The following XKR8 variants were observed in gnomAD, a reference collection of about 807,000 sequenced individuals.
XKR8 encodes the protein XK-related protein 8.
In XKR8, 10 loss-of-function variants were observed where a neutral mutation model predicts 17.1. The ratio of observed to expected loss-of-function variants is 0.59; its 90% CI spans 0.36 to 0.99. The LOEUF (loss-of-function observed/expected upper bound fraction) is 0.99. Among genes scored for constraint, XKR8 ranks in the 50% least tolerant of loss-of-function variants. XKR8 has a pLI of 0.01. For synonymous variants in XKR8, 213 were observed against 251.9 expected, an observed-to-expected ratio of 0.85 and a Z score of 1.46; for missense variants, 411 against 515.6, an observed-to-expected ratio of 0.80 and a Z score of 1.96.
At position 27,960,461 on chromosome 1, in the gene XKR8, C is replaced by G; in HGVS notation, c.293+99C>G. On this transcript the variant is annotated intron_variant, in intron 1 of 2. Transcript: ENST00000373884. The surrounding 1 kb of genome is among the most constrained non-coding windows in gnomAD (Gnocchi z 5.9). ...GACACGCCATATGCCGGGAAGGGGA[C>G]TGGGAGAGGGAACCAAGTCCTGTGG... is the stretch of plus-strand genomic sequence containing the variant. 1 of 1,239,424 alleles carries G rather than the reference C, an allele frequency of 8.1e-7. No individual in the cohort carries two copies. The highest frequency in any genetic ancestry group is 1.0e-6 in the Non-Finnish European group (1 of 966,164). The allele number at this position is 1,239,424 out of a possible 1,614,324, so 76.8% of individuals were successfully genotyped here. A position where few individuals can be genotyped will look rare whatever the true frequency, so the allele number is the denominator to read the frequency against.
rs763613889 is a variant in XKR8 at position 27,963,568 on chromosome 1, A to G, written c.365A>G (p.Tyr122Cys). The change falls in exon 2 of 3, where the codon TAC becomes TGC. Residue 122 changes from tyrosine (Y) to cysteine (C), a missense_variant. Tyr to Cys is a radical substitution (Grantham distance 194). Transcript: ENST00000373884. ...QEEPSEFDLA[Y>C]ADFLALDISM... ...GAGCCCTCTGAGTTTGACTTGGCCT[A>G]CGCCGACTTCCTCGCCCTGGACATC... 2.5e-6 allele frequency: 4 copies of G among 1,614,042 alleles called. No homozygotes were observed. Among genetic ancestry groups the G allele is most frequent in the Non-Finnish European group, 1.7e-6 (2 of 1,180,032 alleles).
chr1:27,967,391 A>G lies in XKR8; in HGVS notation c.*191A>G. ...GTCGGGCAGAGGCCTCCTTTCAAGG[A>G]GTTCACAGTGAACAAGATGAGAAGG... On this transcript the variant is annotated 3_prime_UTR_variant, in exon 3 of 3. Coordinates refer to ENST00000373884, the MANE Select transcript of XKR8 (RefSeq NM_018053.4). The surrounding 1 kb of genome is among the most constrained non-coding windows in gnomAD (Gnocchi z 4.3). 1.8e-6 allele frequency: 1 copy of G among 557,464 alleles called. No homozygotes were observed. Among genetic ancestry groups the G allele is most frequent in the African/African-American group, 1.9e-5 (1 of 53,050 alleles). The allele number at this position is 557,464 out of a possible 1,614,324, so 34.5% of individuals were successfully genotyped here. A position where few individuals can be genotyped will look rare whatever the true frequency, so the allele number is the denominator to read the frequency against.
At position 27,965,041 on chromosome 1, in the gene XKR8, G is replaced by A. The variant is rs559660027; in HGVS notation, c.490+1348G>A. Among the ~76,000 whole-genome samples, 7 of 152,258 alleles carry A rather than the reference G, an allele frequency of 4.6e-5. No homozygotes were observed. The highest frequency in any genetic ancestry group is 1.0e-4 in the Non-Finnish European group (7 of 68,028). ...AACAATAATAGCGGCTGTCACAATC[G>A]AGTGCCAGCTATTAGCCAGGCCCTG... is the stretch of plus-strand genomic sequence containing the variant. On this transcript the variant is annotated intron_variant, in intron 2 of 2. Transcript: ENST00000373884. The surrounding 1 kb of genome is among the most constrained non-coding windows in gnomAD (Gnocchi z 4.1).
Position 27,963,486 on chromosome 1 carries a change from G to T in XKR8, c.294-11G>T. 4 of 1,597,728 alleles carry T rather than the reference G, an allele frequency of 2.5e-6. No individual in the cohort carries two copies. The highest frequency in any genetic ancestry group is 3.4e-6 in the Non-Finnish European group (4 of 1,170,838). On this transcript the variant is annotated splice_polypyrimidine_tract_variant and intron_variant, in intron 1 of 2. Coordinates refer to ENST00000373884, the MANE Select transcript of XKR8 (RefSeq NM_018053.4). ...AACCTGGCCCTCTGGGCATTTGTGTGTGGTGCCTAGGTGCGTGCAGGAGCT... is the reference window on the plus strand; with the variant it reads ...AACCTGGCCCTCTGGGCATTTGTGTTTGGTGCCTAGGTGCGTGCAGGAGCT...
Position 27,963,652 on chromosome 1 carries a change from T to C in XKR8, c.449T>C (p.Leu150Pro). The C allele has an allele frequency of 6.2e-7, 1 of 1,605,714 alleles. No homozygotes were observed. ...LETAPQLTLV[L>P]AIMLQSGRAE... ...ACGGCACCACAGCTCACGCTGGTGCTGGCCATCATGCTGCAGAGTGGCCGG... is the reference window on the plus strand; with the variant it reads ...ACGGCACCACAGCTCACGCTGGTGCCGGCCATCATGCTGCAGAGTGGCCGG... The change falls in exon 2 of 3, where the codon CTG (leucine) becomes CCG (proline). Residue 150 changes from leucine (L) to proline (P), a missense_variant. Transcript: ENST00000373884.
chr1:27,966,560 G>C lies in XKR8; in HGVS notation c.548G>C (p.Arg183Pro), dbSNP rs575511459. Residue 183 changes from arginine to proline, a missense_variant, in exon 3 of 3, where the codon CGG (arginine) becomes CCG (proline). Arg to Pro is a moderately radical substitution (Grantham distance 103). Coordinates refer to ENST00000373884, the MANE Select transcript of XKR8 (RefSeq NM_018053.4). The surrounding 1 kb of genome is among the most constrained non-coding windows in gnomAD (Gnocchi z 4.3). Reference protein sequence around the residue: ...GISWALLDYHRALRTCLPSKP... With the variant: ...GISWALLDYHPALRTCLPSKP... ...TCGTGGGCACTGCTCGACTACCACC[G>C]GGCCTTGCGCACCTGCCTCCCCTCC... is the stretch of plus-strand genomic sequence containing the variant. The C allele has an allele frequency of 6.2e-7, 1 of 1,613,888 alleles. No individual in the cohort carries two copies. Among genetic ancestry groups the C allele is most frequent in the South Asian group, 1.1e-5 (1 of 91,080 alleles).
chr1:27,965,939 A>G lies in XKR8; in HGVS notation c.491-564A>G, dbSNP rs537173544. 6.6e-6 allele frequency among the ~76,000 whole-genome samples: 1 copy of G among 152,218 alleles called. No homozygotes were observed. Among genetic ancestry groups the G allele is most frequent in the East Asian group, 1.9e-4 (1 of 5,168 alleles). ...TCTTGGAAAATCAAGGTTAGGGGTC[A>G]GTCCGATGGCCTCTGGTCTTGGAGG... On this transcript the variant is annotated intron_variant, in intron 2 of 2. Transcript: ENST00000373884. The surrounding 1 kb of genome is among the most constrained non-coding windows in gnomAD (Gnocchi z 4.1).
rs1424220735 is a variant in XKR8 at position 27,963,711 on chromosome 1, G to T, written c.490+18G>T. On this transcript the variant is annotated intron_variant, in intron 2 of 2. Transcript: ENST00000373884. Reference sequence around the variant, plus strand: ...CTACCAGTGTGAGTGAAGGCCTGTGGCTGGCCCCCCTGTCGTGGCTTGGTG... The same window carrying T: ...CTACCAGTGTGAGTGAAGGCCTGTGTCTGGCCCCCCTGTCGTGGCTTGGTG... The T allele has an allele frequency of 2.0e-6, 3 of 1,513,498 alleles. No individual in the cohort carries two copies. The Admixed American group carries it at 6.7e-5, about 34-fold the overall frequency. The allele number at this position is 1,513,498 out of a possible 1,614,324, so 93.8% of individuals were successfully genotyped here. A position where few individuals can be genotyped will look rare whatever the true frequency, so the allele number is the denominator to read the frequency against.
rs142674937 is a variant in XKR8, at chr1:27,967,331, G to A, written c.*131G>A. 1,462 of 1,076,188 alleles carry A rather than the reference G, an allele frequency of 1.4e-3. No individual in the cohort carries two copies. The highest frequency in any genetic ancestry group is 1.7e-3 in the Non-Finnish European group (1,313 of 773,100). 66.7% of individuals were successfully genotyped at this position (1,076,188 alleles called of 1,614,324 possible). ...TCTATGCACTCAGCAAGAGCGGGACGCCTGTGCTGGGCCGGGCACCAGGGA... is the reference window on the plus strand; with the variant it reads ...TCTATGCACTCAGCAAGAGCGGGACACCTGTGCTGGGCCGGGCACCAGGGA... On this transcript the variant is annotated 3_prime_UTR_variant, in exon 3 of 3. Coordinates refer to ENST00000373884, the MANE Select transcript of XKR8 (RefSeq NM_018053.4). The surrounding 1 kb of genome is among the most constrained non-coding windows in gnomAD (Gnocchi z 4.3).
Position 27,966,352 on chromosome 1 carries a change from G to GTCT in XKR8, c.491-147_491-145dup. On this transcript the variant is annotated intron_variant, in intron 2 of 2. Coordinates refer to ENST00000373884, the MANE Select transcript of XKR8 (RefSeq NM_018053.4). This position sits in a 1 kb window ranked among gnomAD's most constrained non-coding sequence, Gnocchi z 4.3. ...GTTTTTGGTTGTGGGAACTCACTGG[G>GTCT]TCTTCTCTAGCTGCAGATTTGCCTT... 1.4e-6 allele frequency: 1 copy of GTCT among 709,728 alleles called. No homozygotes were observed. The highest frequency in any genetic ancestry group is 1.9e-5 in the South Asian group (1 of 52,132). 44.0% of individuals were successfully genotyped at this position (709,728 alleles called of 1,614,324 possible).
In XKR8 at chr1:27,966,163, G is replaced by C. The variant is rs1291445571; in HGVS notation, c.491-340G>C. Reference sequence around the variant, plus strand: ...GTTCTTCCCAGAAAGAAAGGGTTATGGGGCCCTGGAAGATGCCCAGGATGC... The same window carrying C: ...GTTCTTCCCAGAAAGAAAGGGTTATCGGGCCCTGGAAGATGCCCAGGATGC... On this transcript the variant is annotated intron_variant, in intron 2 of 2. Coordinates refer to ENST00000373884, the MANE Select transcript of XKR8 (RefSeq NM_018053.4). This position sits in a 1 kb window ranked among gnomAD's most constrained non-coding sequence, Gnocchi z 4.3. Among the ~76,000 whole-genome samples, 3 of 152,166 alleles carry C rather than the reference G, an allele frequency of 2.0e-5. No homozygotes were observed. The highest frequency in any genetic ancestry group is 7.2e-5 in the African/African-American group (3 of 41,438).
rs1034306908 is a variant in XKR8 at position 27,965,280 on chromosome 1, G to T, written c.491-1223G>T. Among the ~76,000 whole-genome samples the T allele has an allele frequency of 2.8e-4, 42 of 152,252 alleles. No homozygotes were observed. The highest frequency in any genetic ancestry group is 9.9e-4 in the African/African-American group (41 of 41,534). On this transcript the variant is annotated intron_variant, in intron 2 of 2. Coordinates refer to ENST00000373884, the MANE Select transcript of XKR8 (RefSeq NM_018053.4). This position sits in a 1 kb window ranked among gnomAD's most constrained non-coding sequence, Gnocchi z 4.1. ...GTCTGCACTGTGAGTGTGGCAGGGG[G>T]TAAGGGGGCGAGACAGATTTTCCCT... is the stretch of plus-strand genomic sequence containing the variant.
intron 1 of XKR8, among the ~76,000 whole-genome samples, chr1:27,962,658 C>T (rs1638491456): frequency 6.6e-6 from 1 of 151,622 alleles, no homozygotes; most frequent in South Asian, 2.1e-4. Flanking sequence ...CACAATCAAT[C>T]ATGGCTCACA....
Position 27,965,677 on chromosome 1 carries a change from C to A in XKR8, c.491-826C>A, listed in dbSNP as rs1441425469. 6.6e-6 allele frequency among the ~76,000 whole-genome samples: 1 copy of A among 152,184 alleles called. No individual in the cohort carries two copies. Among genetic ancestry groups the A allele is most frequent in the African/African-American group, 2.4e-5 (1 of 41,446 alleles). On this transcript the variant is annotated intron_variant, in intron 2 of 2. Coordinates refer to ENST00000373884, the MANE Select transcript of XKR8 (RefSeq NM_018053.4). The surrounding 1 kb of genome is among the most constrained non-coding windows in gnomAD (Gnocchi z 4.1). Reference sequence around the variant, plus strand: ...GCAAACTGGAAGAACATCAGCCCTGCTGAGACCTGGGCAAGGCTAATGAGC... The same window carrying A: ...GCAAACTGGAAGAACATCAGCCCTGATGAGACCTGGGCAAGGCTAATGAGC...
chr1:27,960,101 G>C lies in XKR8; in HGVS notation c.32G>C (p.Arg11Pro). Reference protein sequence around the residue: MPWSSRGALLRDLVLGVLGTA... With the variant: MPWSSRGALLPDLVLGVLGTA... ...TGGTCGTCCCGCGGCGCCCTCCTTC[G>C]GGACCTGGTCCTGGGCGTGCTGGGC... is the stretch of plus-strand genomic sequence containing the variant. The change falls in exon 1 of 3, where the codon CGG (arginine) becomes CCG (proline). Residue 11 changes from arginine to proline, a missense_variant. Coordinates refer to ENST00000373884, the MANE Select transcript of XKR8 (RefSeq NM_018053.4). This position sits in a 1 kb window ranked among gnomAD's most constrained non-coding sequence, Gnocchi z 5.9. 1 of 1,490,930 alleles carries C rather than the reference G, an allele frequency of 6.7e-7. No individual in the cohort carries two copies. The highest frequency in any genetic ancestry group is 8.9e-7 in the Non-Finnish European group (1 of 1,126,542). 92.4% of individuals were successfully genotyped at this position (1,490,930 alleles called of 1,614,324 possible).
rs1260698674 is a variant in XKR8 at position 27,965,925 on chromosome 1, C to G, written c.491-578C>G. ...TGTAAACTTCTGGATCTTGGAAAAT[C>G]AAGGTTAGGGGTCAGTCCGATGGCC... On this transcript the variant is annotated intron_variant, in intron 2 of 2. Transcript: ENST00000373884. This position sits in a 1 kb window ranked among gnomAD's most constrained non-coding sequence, Gnocchi z 4.1. Among the ~76,000 whole-genome samples, 2 of 151,972 alleles carry G rather than the reference C, an allele frequency of 1.3e-5. No individual in the cohort carries two copies. The highest frequency in any genetic ancestry group is 4.8e-5 in the African/African-American group (2 of 41,346).
chr1:27,960,729 C>T lies in XKR8; in HGVS notation c.293+367C>T, dbSNP rs1405636319. On this transcript the variant is annotated intron_variant, in intron 1 of 2. Transcript: ENST00000373884. The surrounding 1 kb of genome is among the most constrained non-coding windows in gnomAD (Gnocchi z 5.9). ...CCTGCGTAGAAAGGAGGTAGTCACC[C>T]TGAGACAGGTGTGACGGGCAGGCCT... Among the ~76,000 whole-genome samples, 1 of 152,178 alleles carries T rather than the reference C, an allele frequency of 6.6e-6. No homozygotes were observed. Among genetic ancestry groups the T allele is most frequent in the Non-Finnish European group, 1.5e-5 (1 of 68,040 alleles).
At position 27,960,491 on chromosome 1, in the gene XKR8, C is replaced by T. The variant is rs1172158282; in HGVS notation, c.293+129C>T. 1 of 960,326 alleles carries T rather than the reference C, an allele frequency of 1.0e-6. No individual in the cohort carries two copies. Among genetic ancestry groups the T allele is most frequent in the Admixed American group, 4.2e-5 (1 of 24,036 alleles). The allele number at this position is 960,326 out of a possible 1,614,324, so 59.5% of individuals were successfully genotyped here. A position where few individuals can be genotyped will look rare whatever the true frequency, so the allele number is the denominator to read the frequency against. ...AGAGGGAACCAAGTCCTGTGGGCGC[C>T]TGGCCTACAGGTGAGCGTGCAGCCC... On this transcript the variant is annotated intron_variant, in intron 1 of 2. Transcript: ENST00000373884. This position sits in a 1 kb window ranked among gnomAD's most constrained non-coding sequence, Gnocchi z 5.9.
In XKR8 at chr1:27,960,695, C is replaced by G. The variant is rs1219874843; in HGVS notation, c.293+333C>G. Among the ~76,000 whole-genome samples the G allele has an allele frequency of 6.6e-6, 1 of 152,220 alleles. No individual in the cohort carries two copies. The highest frequency in any genetic ancestry group is 2.4e-5 in the African/African-American group (1 of 41,460). On this transcript the variant is annotated intron_variant, in intron 1 of 2. Transcript: ENST00000373884. The surrounding 1 kb of genome is among the most constrained non-coding windows in gnomAD (Gnocchi z 5.9). ...CTCACTTCTGCATTTCTCTGAGCCTCAGTTTCCTCCTGCGTAGAAAGGAGG... is the reference window on the plus strand; with the variant it reads ...CTCACTTCTGCATTTCTCTGAGCCTGAGTTTCCTCCTGCGTAGAAAGGAGG...
Sources: allele counts gnomAD v4.1 joint callset (sites outside exome capture counted in the v4.1 genomes callset), GRCh38; gene constraint gnomAD v4.1.1; non-coding constraint Gnocchi (gnomAD v3.1); transcripts MANE v1.5; gene names NCBI Gene and HGNC (gene_info 2026-07-23, HGNC 2026-07-21).